ABTB2: variants seen among roughly 807,000 people sequenced by gnomAD.
ABTB2 encodes the protein ankyrin repeat and BTB domain containing 2.
Under a neutral mutation model 104.1 loss-of-function variants are expected in ABTB2, and 56 were observed. The observed-to-expected ratio is 0.54, with a 90% CI of 0.43 to 0.67. The LOEUF is 0.67. Among genes scored for constraint, ABTB2 ranks in the 30% least tolerant of loss-of-function variants. The pLI, the probability that ABTB2 is intolerant of heterozygous loss-of-function variation, is 0.00. For missense variants in ABTB2, 1,279 were observed against 1,407.7 expected, an observed-to-expected ratio of 0.91 and a Z score of 1.46; for synonymous variants, 606 against 608.2, an observed-to-expected ratio of 1.00 and a Z score of 0.05.
intron 1 of ABTB2, among the ~76,000 whole-genome samples, chr11:34,207,008 G>A (rs1179919123): frequency 2.0e-5 from 3 of 152,222 alleles, no homozygotes; most frequent in East Asian, 1.9e-4. Context: ...GCTCTCCCCC[G>A]CAGCCCCCTG....
At chr11:34,197,188 A>G in intron 3 of ABTB2, 137 bp downstream of exon 3, 1 of 955,936 alleles carries the variant, frequency 1.0e-6, no homozygotes. Context: ...TTCCTGGGCC[A>G]CCTCCTCACA....
At chr11:34,249,310 G>T (rs935217741) in intron 1 of ABTB2, among the ~76,000 whole-genome samples, 3 of 152,206 alleles carry the variant, frequency 2.0e-5, no homozygotes, top group African/African-American at 7.2e-5. Flanking sequence ...TGCAACTGTG[G>T]TCAGTGTAGG....
In ABTB2 at chr11:34,252,295, C is replaced by T. The variant is rs892046163; in HGVS notation, c.884-47605G>A. On this transcript the variant is annotated intron_variant, in intron 1 of 16. Transcript: ENST00000435224. This position sits in a 1 kb window ranked among gnomAD's most constrained non-coding sequence, Gnocchi z 5.5. Reference sequence around the variant, plus strand: ...CCTCTTCCTGAACCATCGCATCTCCCCACTTCCTATCAGCCTTTTCTTTGG... The same window carrying T: ...CCTCTTCCTGAACCATCGCATCTCCTCACTTCCTATCAGCCTTTTCTTTGG... 6.6e-6 allele frequency among the ~76,000 whole-genome samples: 1 copy of T among 152,198 alleles called. No homozygotes were observed. Among genetic ancestry groups the T allele is most frequent in the East Asian group, 1.9e-4 (1 of 5,196 alleles).
intron 10 of ABTB2, among the ~76,000 whole-genome samples, chr11:34,161,588 T>G (rs1477294492): frequency 6.6e-6 from 1 of 152,064 alleles, no homozygotes; most frequent in Non-Finnish European, 1.5e-5. Flanking sequence ...ACGAACCCGG[T>G]CCTATCACGA....
intron 2 of ABTB2, among the ~76,000 whole-genome samples, chr11:34,200,829 AC>A (rs1236681623): frequency 2.0e-5 from 3 of 152,132 alleles, no homozygotes; most frequent in Non-Finnish European, 4.4e-5. Flanking sequence ...CATGCTCTTG[AC>A]CATCACATGG....
rs112209245 is a variant in ABTB2, at chr11:34,217,705, G to C, written c.884-13015C>G. Among the ~76,000 whole-genome samples the C allele has an allele frequency of 9.0e-3, 1,373 of 152,248 alleles. 15 individuals carry two copies. The highest frequency in any genetic ancestry group is 0.031 in the African/African-American group (1,294 of 41,536). On this transcript the variant is annotated intron_variant, in intron 1 of 16. Coordinates refer to ENST00000435224, the MANE Select transcript of ABTB2 (RefSeq NM_145804.3). ...TTGAACTCCTAACCTCAAATGATCT[G>C]CCTGCCGCGGCCTCCCAAAGTGTTG...
intron 1 of ABTB2, among the ~76,000 whole-genome samples, chr11:34,287,993 A>G (rs1046185506): frequency 1.3e-5 from 2 of 152,208 alleles, no homozygotes; most frequent in African/African-American, 4.8e-5. Flanking sequence ...GCCACGAGGA[A>G]GAGAGAGCTT....
intron 1 of ABTB2, among the ~76,000 whole-genome samples, chr11:34,215,221 G>A (rs904264909): frequency 3.3e-5 from 5 of 152,230 alleles, no homozygotes; most frequent in African/African-American, 9.6e-5. Context: ...CAAAGCCAGC[G>A]CAGGGAGTGA....
At chr11:34,229,158 G>T (rs1270786021) in intron 1 of ABTB2, among the ~76,000 whole-genome samples, 3 of 147,320 alleles carry the variant, frequency 2.0e-5, no homozygotes, top group African/African-American at 4.9e-5. Flanking sequence ...AAAGAAAGTG[G>T]TATCTCATTT....
At chr11:34,272,349 T>C (rs1475884845) in intron 1 of ABTB2, among the ~76,000 whole-genome samples, 1 of 151,418 alleles carries the variant, frequency 6.6e-6, no homozygotes, top group Non-Finnish European at 1.5e-5. Flanking sequence ...GTGTATTCTT[T>C]GCTCACTTTC....
intron 1 of ABTB2, among the ~76,000 whole-genome samples, chr11:34,256,719 T>C (rs1283674286): frequency 6.6e-6 from 1 of 152,168 alleles, no homozygotes; most frequent in East Asian, 1.9e-4. Context: ...CTTTTTTGTT[T>C]CCCAAGTGAA....
intron 8 of ABTB2, 45 bp downstream of exon 8, chr11:34,165,215 A>G (rs1484042708): frequency 6.8e-7 from 1 of 1,480,948 alleles, no homozygotes; most frequent in East Asian, 2.5e-5. Context: ...GCTGGGGGGC[A>G]CTGCAGGGAA....
chr11:34,154,195 C>T lies in ABTB2; in HGVS notation c.2880+70G>A. On this transcript the variant is annotated intron_variant, in intron 16 of 16. Transcript: ENST00000435224. This position sits in a 1 kb window ranked among gnomAD's most constrained non-coding sequence, Gnocchi z 4.9. ...TCTCCTAGCTCATCCCCAGTGCAGC[C>T]ACACGGCCGAGGCCCCCGTGGAGCA... 1 of 1,251,736 alleles carries T rather than the reference C, an allele frequency of 8.0e-7. No homozygotes were observed. Among genetic ancestry groups the T allele is most frequent in the Non-Finnish European group, 1.2e-6 (1 of 864,866 alleles). The allele number at this position is 1,251,736 out of a possible 1,614,324, so 77.5% of individuals were successfully genotyped here. A position where few individuals can be genotyped will look rare whatever the true frequency, so the allele number is the denominator to read the frequency against.
chr11:34,171,874 T>A (rs1447699093), intron 4 of ABTB2, among the ~76,000 whole-genome samples: 1 of 152,200 alleles, frequency 6.6e-6, no homozygotes, highest in African/African-American at 2.4e-5. Flanking sequence ...TAGCATAGAC[T>A]GCCATTTGCA....
intron 5 of ABTB2, among the ~76,000 whole-genome samples, chr11:34,170,251 G>A (rs1852854956): frequency 6.6e-6 from 1 of 152,210 alleles, no homozygotes. Flanking sequence ...CTACATCACA[G>A]GGCTGCTGTC....
intron 1 of ABTB2, among the ~76,000 whole-genome samples, chr11:34,244,888 G>A (rs1192205319): frequency 1.3e-5 from 2 of 151,760 alleles, no homozygotes; most frequent in Non-Finnish European, 2.9e-5. Flanking sequence ...TGTGCCTGTG[G>A]TTCCAGCTAC....
intron 14 of ABTB2, among the ~76,000 whole-genome samples, chr11:34,155,444 A>C (rs894358354): frequency 1.3e-5 from 2 of 152,230 alleles, no homozygotes; most frequent in Non-Finnish European, 2.9e-5. Context: ...GGAACGATTT[A>C]GTTCTGCTGA....
At chr11:34,338,577 G>A (rs986471009) in intron 1 of ABTB2, among the ~76,000 whole-genome samples, 1 of 151,636 alleles carries the variant, frequency 6.6e-6, no homozygotes, top group African/African-American at 2.4e-5. Context: ...GTGGTGGGGT[G>A]CACCTGCAGT....
At chr11:34,336,669 CA>C (rs931911764) in intron 1 of ABTB2, among the ~76,000 whole-genome samples, 5 of 151,302 alleles carry the variant, frequency 3.3e-5, no homozygotes, top group African/African-American at 1.2e-4. Flanking sequence ...AACAAACAAA[CA>C]AAAAAAAGCA....
Sources: gnomAD v4.1 joint callset for allele counts (sites outside exome capture counted in the v4.1 genomes callset) on GRCh38, gnomAD v4.1.1 for gene constraint, Gnocchi (gnomAD v3.1) non-coding constraint, MANE v1.5 for transcripts, NCBI Gene and HGNC (gene_info 2026-07-23, HGNC 2026-07-21) for gene names.